The following CPNE8 variants were observed in gnomAD, a reference collection of about 807,000 sequenced individuals.
The protein encoded by CPNE8 is copine-8.
In CPNE8, 45 loss-of-function variants were observed where a neutral mutation model predicts 81.5. That is an observed-to-expected ratio of 0.55 (90% CI 0.44 to 0.71). The LOEUF is 0.71. Among genes scored for constraint, CPNE8 ranks in the 30% least tolerant of loss-of-function variants. The pLI, the probability that CPNE8 is intolerant of heterozygous loss-of-function variation, is 0.00. For synonymous variants in CPNE8, 252 were observed against 226.3 expected (o/e 1.11, Z -1.02); for missense variants, 594 against 672.1 (o/e 0.88, Z 1.28).
intron 15 of CPNE8, among the ~76,000 whole-genome samples, chr12:38,689,088 A>AT (rs1292669252): frequency 6.6e-6 from 1 of 152,200 alleles, no homozygotes; most frequent in East Asian, 1.9e-4. Flanking sequence ...AAAACACAGG[A>AT]TTTTTTAAAA....
chr12:38,800,177 C>A (rs938011408), intron 6 of CPNE8, among the ~76,000 whole-genome samples: 31 of 117,778 alleles, frequency 2.6e-4, no homozygotes, highest in African/African-American at 8.3e-4. Context: ...GGCCTGCCTG[C>A]CTCTGTAGGC....
chr12:38,892,133 T>C lies in CPNE8; in HGVS notation c.98+13304A>G, dbSNP rs187790726. On this transcript the variant is annotated intron_variant, in intron 1 of 19. Coordinates refer to ENST00000331366, the MANE Select transcript of CPNE8 (RefSeq NM_153634.3). ...GGAGAGCCACAAATGGGGGAAAGGC[T>C]TCTCAGGCTGTAGGAAAGTGTCAAC... 3.2e-3 allele frequency among the ~76,000 whole-genome samples: 487 copies of C among 152,276 alleles called. 4 individuals are homozygous for C. Among genetic ancestry groups the C allele is most frequent in the Non-Finnish European group, 3.8e-3 (260 of 68,022 alleles).
rs1349613697 is a variant in CPNE8, at chr12:38,685,510, A to G, written c.1251T>C (p.Pro417=). The G allele has an allele frequency of 1.2e-6, 2 of 1,613,338 alleles. No homozygotes were observed. Among genetic ancestry groups the G allele is most frequent in the Admixed American group, 3.3e-5 (2 of 59,994 alleles). The change falls in exon 16 of 20, where the codon CCT becomes CCC. Residue 417 remains proline, a synonymous_variant. Coordinates refer to ENST00000331366, the MANE Select transcript of CPNE8 (RefSeq NM_153634.3). ...VQLYGPTNFA[P]VINHVARYAS... The stretch of plus-strand genomic sequence containing the variant: ...CTTACCTTGCTACATGATTAATTAC[A>G]GGAGCAAAGTTGGTGGGCCCATATA...
chr12:38,905,365 C>A (rs556753664), intron 1 of CPNE8, 72 bp downstream of exon 1: 23 of 1,503,300 alleles, frequency 1.5e-5, no homozygotes, highest in Admixed American at 2.0e-5. Flanking sequence ...TCGTGGTACC[C>A]CGAGCGCTCT....
At chr12:38,752,419 T>G (rs1941369363) in intron 10 of CPNE8, among the ~76,000 whole-genome samples, 1 of 152,194 alleles carries the variant, frequency 6.6e-6, no homozygotes, top group African/African-American at 2.4e-5. Context: ...GCCTGGCTAT[T>G]ACCTCAGCTT....
At chr12:38,706,663 C>A (rs1940114823) in intron 13 of CPNE8, among the ~76,000 whole-genome samples, 1 of 152,116 alleles carries the variant, frequency 6.6e-6, no homozygotes, top group Non-Finnish European at 1.5e-5. Context: ...TTATAAAGAT[C>A]AATTTAGAAG....
chr12:38,654,514 C>A (rs1446251727), intron 19 of CPNE8, among the ~76,000 whole-genome samples: 639 of 97,204 alleles, frequency 6.6e-3, no homozygotes, highest in African/African-American at 0.014. Flanking sequence ...GACTCTGTCT[C>A]AAAAAAAAAA....
chr12:38,740,839 G>C (rs1241207764), intron 10 of CPNE8, among the ~76,000 whole-genome samples: 1 of 152,132 alleles, frequency 6.6e-6, no homozygotes, highest in East Asian at 1.9e-4. Flanking sequence ...AGGGATATTG[G>C]TCTAAAATTC....
chr12:38,752,460 A>AC (rs1941370684), intron 10 of CPNE8, among the ~76,000 whole-genome samples: 1 of 152,146 alleles, frequency 6.6e-6, no homozygotes, highest in South Asian at 2.1e-4. Flanking sequence ...TCCCTGGGCC[A>AC]CCCCATAATT....
intron 4 of CPNE8, among the ~76,000 whole-genome samples, chr12:38,848,115 C>T (rs531464858): frequency 6.6e-6 from 1 of 152,232 alleles, no homozygotes; most frequent in East Asian, 1.9e-4. Context: ...ATTTAAAATG[C>T]TGACTCGATT....
chr12:38,814,309 CTTTTTTTTT>C (rs61444154), intron 6 of CPNE8, among the ~76,000 whole-genome samples: 1 of 49,170 alleles, frequency 2.0e-5, no homozygotes, highest in East Asian at 7.2e-4. Flanking sequence ...CCAGACCTGG[CTTTTTTTTT>C]TTTTTTTTTT....
intron 10 of CPNE8, among the ~76,000 whole-genome samples, chr12:38,743,447 A>G (rs920359762): frequency 6.6e-6 from 1 of 152,116 alleles, no homozygotes. Flanking sequence ...TGCAAAAATG[A>G]TCCAAAATAT....
Position 38,848,628 on chromosome 12 carries a change from T to C in CPNE8, c.221A>G (p.Asn74Ser). ...AATAAACTTTCTTACAAAATCAGGA[T>C]TTAAAGTATTATCAATTACTTCAGT... ...GRTEVIDNTL[N>S]PDFVRKFILD... The change falls in exon 4 of 20, where the codon AAT (asparagine) becomes AGT (serine). Residue 74 changes from asparagine (N) to serine (S), a missense_variant. Coordinates refer to ENST00000331366, the MANE Select transcript of CPNE8 (RefSeq NM_153634.3). The C allele has an allele frequency of 6.3e-7, 1 of 1,593,524 alleles. No individual in the cohort carries two copies. The highest frequency in any genetic ancestry group is 8.5e-7 in the Non-Finnish European group (1 of 1,174,276).
intron 6 of CPNE8, among the ~76,000 whole-genome samples, chr12:38,777,715 A>G (rs1428698838): frequency 1.3e-5 from 2 of 152,146 alleles, no homozygotes; most frequent in Non-Finnish European, 2.9e-5. Context: ...TGCTGTACAC[A>G]TTTGTAGCCT....
chr12:38,837,824 G>C (rs925297610), intron 5 of CPNE8, among the ~76,000 whole-genome samples: 1 of 151,960 alleles, frequency 6.6e-6, no homozygotes, highest in Non-Finnish European at 1.5e-5. Context: ...TAGTAAAAGA[G>C]GTATCATGAG....
intron 6 of CPNE8, among the ~76,000 whole-genome samples, chr12:38,810,636 A>T (rs1222149791): frequency 6.6e-6 from 1 of 152,170 alleles, no homozygotes; most frequent in African/African-American, 2.4e-5. Context: ...GCCATAACAA[A>T]TTACCATAAA....
chr12:38,798,362 T>C (rs1389734163), intron 6 of CPNE8, among the ~76,000 whole-genome samples: 3 of 152,050 alleles, frequency 2.0e-5, no homozygotes, highest in Non-Finnish European at 4.4e-5. Context: ...CCGCAGAAAC[T>C]CTACAAGCCA....
chr12:38,865,636 G>A (rs1163116102), intron 3 of CPNE8, among the ~76,000 whole-genome samples: 3 of 152,058 alleles, frequency 2.0e-5, no homozygotes, highest in African/African-American at 4.8e-5. Flanking sequence ...CAAAATTCCT[G>A]GATTTCTAGT....
At chr12:38,717,438 TATATATATATATATATATATAC>T (rs1940430094) in intron 13 of CPNE8, among the ~76,000 whole-genome samples, 1 of 128,356 alleles carries the variant, frequency 7.8e-6, no homozygotes, top group South Asian at 2.5e-4. Flanking sequence ...TGTATATATA[TATATATATATATATATATATAC>T]ACCATGGAAT....
Sources: allele counts gnomAD v4.1 joint callset (sites outside exome capture counted in the v4.1 genomes callset), GRCh38; gene constraint gnomAD v4.1.1; transcripts MANE v1.5; gene names NCBI Gene and HGNC (gene_info 2026-07-23, HGNC 2026-07-21).